The following ARPP21 variants were observed in gnomAD, a reference collection of about 807,000 sequenced individuals.
The protein encoded by ARPP21 is cAMP-regulated phosphoprotein 21.
A neutral mutation model predicts 113.2 loss-of-function variants in ARPP21; 69 were observed. The ratio of observed to expected loss-of-function variants is 0.61; its 90% CI spans 0.50 to 0.74. ARPP21 has a LOEUF of 0.74. Among genes scored for constraint, ARPP21 ranks in the 30% least tolerant of loss-of-function variants. The probability of loss-of-function intolerance (pLI) is 0.00; values close to 1 mark genes in which losing one functional copy is unlikely to be tolerated. For missense variants in ARPP21, 1,070 were observed against 1,037.4 expected (o/e 1.03, Z -0.43); for synonymous variants, 368 against 375.5 (o/e 0.98, Z 0.23).
In ARPP21 at chr3:35,765,550, C is replaced by A. The variant is rs984260002; in HGVS notation, c.2137+21585C>A. Among the ~76,000 whole-genome samples, 5 of 152,096 alleles carry A rather than the reference C, an allele frequency of 3.3e-5. No individual in the cohort carries two copies. In the East Asian group the frequency reaches 9.7e-4, roughly 29 times the overall value. Reference sequence around the variant, plus strand: ...TGAGCATAGCTGGGATACAATTTTGCACACACCTTCTCGCCAAGGAACAAA... The same window carrying A: ...TGAGCATAGCTGGGATACAATTTTGAACACACCTTCTCGCCAAGGAACAAA... On this transcript the variant is annotated intron_variant, in intron 19 of 20. Transcript: ENST00000684406.
At chr3:35,747,213 G>T (rs1049770964) in intron 19 of ARPP21, among the ~76,000 whole-genome samples, 14 of 152,002 alleles carry the variant, frequency 9.2e-5, no homozygotes, top group Non-Finnish European at 2.9e-5. Flanking sequence ...AATTAGCTGG[G>T]CATGGTGGCG....
Position 35,793,814 on chromosome 3 carries a change from C to G in ARPP21, c.2400C>G (p.Tyr800Ter). The change falls in exon 21 of 21, where the codon TAC becomes TAG. Residue 800 changes from tyrosine to a stop codon, truncating the protein, a stop_gained. Coordinates refer to ENST00000684406, the MANE Select transcript of ARPP21 (RefSeq NM_001385562.1). LOFTEE classifies it high-confidence loss of function. ...GSLPATGMPV[Y>*]CNVTPPTPQN... The stretch of plus-strand genomic sequence containing the variant: ...TCCCAGCCACTGGAATGCCTGTTTA[C>G]TGTAATGTCACACCGCCCACCCCTC... 1 of 1,614,200 alleles carries G rather than the reference C, an allele frequency of 6.2e-7. No homozygotes were observed. The highest frequency in any genetic ancestry group is 1.1e-5 in the South Asian group (1 of 91,084).
chr3:35,735,928 T>G (rs2094320144), intron 15 of ARPP21, among the ~76,000 whole-genome samples: 1 of 152,224 alleles, frequency 6.6e-6, no homozygotes, highest in South Asian at 2.1e-4. Flanking sequence ...AAACATGTCC[T>G]TCACCTCACC....
At position 35,737,205 on chromosome 3, in the gene ARPP21, C is replaced by G. The variant is rs141564286; in HGVS notation, c.1487C>G (p.Thr496Ser). 315 of 1,610,460 alleles carry G rather than the reference C, an allele frequency of 2.0e-4. No individual in the cohort carries two copies. In the African/African-American group the frequency reaches 3.6e-3, roughly 18 times the overall value. Residue 496 changes from threonine (T) to serine (S), a missense_variant, in exon 16 of 21, where the codon ACT becomes AGT. Physicochemically the swap from Thr to Ser is moderately conservative, Grantham distance 58. Transcript: ENST00000684406. Reference sequence around the variant, plus strand: ...CAGCCCTTTGTGAATCCCGATGGAACTCCTGCAATATACAACCCACCCACC... The same window carrying G: ...CAGCCCTTTGTGAATCCCGATGGAAGTCCTGCAATATACAACCCACCCACC... ...TGQPFVNPDG[T>S]PAIYNPPTSQ...
chr3:35,782,500 G>T (rs527247377), intron 19 of ARPP21, among the ~76,000 whole-genome samples: 9 of 152,184 alleles, frequency 5.9e-5, no homozygotes, highest in Admixed American at 3.3e-4. Context: ...TCTCTGACCT[G>T]TCTTGTATCC....
At position 35,739,386 on chromosome 3, in the gene ARPP21, C is replaced by T; in HGVS notation, c.1819C>T (p.Pro607Ser). 6.2e-7 allele frequency: 1 copy of T among 1,614,122 alleles called. No homozygotes were observed. The highest frequency in any genetic ancestry group is 8.5e-7 in the Non-Finnish European group (1 of 1,180,016). ...SRQSSGETPE[P>S]PSGPVYPSSL... Reference sequence around the variant, plus strand: ...GCAGTCCTCGGGGGAGACTCCTGAACCCCCATCAGGTCCTGTCTACCCATC... The same window carrying T: ...GCAGTCCTCGGGGGAGACTCCTGAATCCCCATCAGGTCCTGTCTACCCATC... Residue 607 changes from proline (P) to serine (S), a missense_variant, in exon 18 of 21, where the codon CCC becomes TCC. Transcript: ENST00000684406.
chr3:35,712,375 G>A (rs563300495), intron 11 of ARPP21, among the ~76,000 whole-genome samples: 1 of 150,334 alleles, frequency 6.7e-6, no homozygotes, highest in South Asian at 2.1e-4. Flanking sequence ...TTGCTTAAGT[G>A]TATTTTTTTG....
intron 10 of ARPP21, chr3:35,707,636 T>C (rs1267436775): frequency 1.2e-5 from 5 of 427,674 alleles, no homozygotes; most frequent in Non-Finnish European, 2.4e-5. Flanking sequence ...CTCCTTCCCA[T>C]GTTTTATGGT....
chr3:35,727,389 A>G (rs1197923489), intron 14 of ARPP21, among the ~76,000 whole-genome samples: 2 of 152,208 alleles, frequency 1.3e-5, no homozygotes, highest in East Asian at 3.8e-4. Context: ...CTGTAGAGGC[A>G]GTATTAGTCA....
intron 1 of ARPP21, among the ~76,000 whole-genome samples, chr3:35,665,354 A>G (rs2074074596): frequency 6.6e-6 from 1 of 152,154 alleles, no homozygotes. Context: ...TAACAAGATC[A>G]TAAAACTCTC....
intron 9 of ARPP21, among the ~76,000 whole-genome samples, chr3:35,696,468 T>G (rs2084065098): frequency 6.6e-6 from 1 of 151,546 alleles, no homozygotes; most frequent in African/African-American, 2.4e-5. Context: ...AAATTGGGTC[T>G]TAATAGCTGG....
At chr3:35,717,476 C>A (rs1259657650) in intron 13 of ARPP21, 119 bp downstream of exon 13, 3 of 646,582 alleles carry the variant, frequency 4.6e-6, no homozygotes, top group South Asian at 2.0e-5. Flanking sequence ...CTGGTTATCT[C>A]TTTGTAAAGC....
At chr3:35,730,581 G>C (rs1020709932) in intron 15 of ARPP21, among the ~76,000 whole-genome samples, 10 of 152,150 alleles carry the variant, frequency 6.6e-5, no homozygotes, top group African/African-American at 2.2e-4. Flanking sequence ...GTCTTTATTA[G>C]AGACTGGCAA....
chr3:35,703,229 G>T (rs550994222), intron 9 of ARPP21, among the ~76,000 whole-genome samples: 3 of 151,946 alleles, frequency 2.0e-5, no homozygotes, highest in Admixed American at 6.6e-5. Context: ...AGATAAGAAA[G>T]ATTAAAAATA....
chr3:35,739,916 G>C (rs981202399), intron 18 of ARPP21, among the ~76,000 whole-genome samples: 3 of 152,188 alleles, frequency 2.0e-5, no homozygotes, highest in Non-Finnish European at 2.9e-5. Context: ...CCTTGGGGAA[G>C]GGAAAGGTCT....
intron 19 of ARPP21, among the ~76,000 whole-genome samples, chr3:35,787,553 C>T (rs992616216): frequency 2.0e-5 from 3 of 152,124 alleles, no homozygotes; most frequent in South Asian, 2.1e-4. Context: ...CCTGGTGTTT[C>T]GCTCTCTAAG....
intron 13 of ARPP21, among the ~76,000 whole-genome samples, chr3:35,718,700 C>CA (rs1221597359): frequency 2.6e-5 from 4 of 151,642 alleles, no homozygotes; most frequent in African/African-American, 9.7e-5. Context: ...CTAGCCCGTG[C>CA]AAAAAAGATG....
rs183961995 is a variant in ARPP21 at position 35,733,183 on chromosome 3, C to T, written c.1459+3647C>T. 4.6e-5 allele frequency among the ~76,000 whole-genome samples: 7 copies of T among 151,008 alleles called. No individual in the cohort carries two copies. In the East Asian group the frequency reaches 1.4e-3, roughly 29 times the overall value. On this transcript the variant is annotated intron_variant, in intron 15 of 20. Transcript: ENST00000684406. Reference sequence around the variant, plus strand: ...CATTTCTTTGTGAGGAGGGTCCATGCTTATTTTTTATTTGCTTTTTTTTTT... The same window carrying T: ...CATTTCTTTGTGAGGAGGGTCCATGTTTATTTTTTATTTGCTTTTTTTTTT...
At chr3:35,767,442 A>G (rs568307264) in intron 19 of ARPP21, among the ~76,000 whole-genome samples, 1 of 152,202 alleles carries the variant, frequency 6.6e-6, no homozygotes, top group African/African-American at 2.4e-5. Context: ...TGACTGAAAA[A>G]CTGCTTAATA....
Sources: allele counts gnomAD v4.1 joint callset (sites outside exome capture counted in the v4.1 genomes callset), GRCh38; gene constraint gnomAD v4.1.1; transcripts MANE v1.5; gene names NCBI Gene and HGNC (gene_info 2026-07-23, HGNC 2026-07-21).